Variants in RAB5A observed in about 807,000 individuals in gnomAD.
The protein encoded by RAB5A is RAB5A, member RAS oncogene family.
RAB5A carries 8 observed loss-of-function variants against 25.7 expected under a neutral mutation model. That is an observed-to-expected ratio of 0.31 (90% confidence interval 0.18 to 0.56). The LOEUF is 0.56. Ranked by LOEUF, RAB5A falls within the 20% of genes least tolerant of loss-of-function variation. The pLI, the probability that RAB5A is intolerant of heterozygous loss-of-function variation, is 0.91. For missense variants in RAB5A, 192 were observed against 259.7 expected (o/e 0.74, Z 1.79); for synonymous variants, 98 against 89.8 (o/e 1.09, Z -0.52).
rs1215029740 is a variant in RAB5A at position 19,953,409 on chromosome 3, TC to T, written c.163+2350del. ...GAATTTGCATCCAAATTTCTGTTAA[TC>T]CTTTTTTTTTTTTTTTTTGGAGACA... On this transcript the variant is annotated intron_variant, in intron 2 of 5. Transcript: ENST00000273047. Among the ~76,000 whole-genome samples the T allele has an allele frequency of 2.9e-5, 4 of 137,088 alleles. No individual in the cohort carries two copies. In the Admixed American group the frequency reaches 3.0e-4, roughly 10 times the overall value. The allele number at this position is 137,088 out of a possible 152,430, so 89.9% of individuals were successfully genotyped here.
intron 2 of RAB5A, chr3:19,951,324 T>G: frequency 3.0e-6 from 1 of 331,902 alleles, no homozygotes; most frequent in Non-Finnish European, 5.6e-6. Flanking sequence ...GTGTCTCAAG[T>G]AATAACATTT....
intron 2 of RAB5A, among the ~76,000 whole-genome samples, chr3:19,964,064 T>C (rs1696628021): frequency 6.6e-6 from 1 of 152,208 alleles, no homozygotes; most frequent in African/African-American, 2.4e-5. Context: ...AAGCATTATG[T>C]GCTAGGTTCT....
chr3:19,966,169 AACTCTGC>A (rs1559489280), intron 2 of RAB5A, among the ~76,000 whole-genome samples: 1 of 152,126 alleles, frequency 6.6e-6, no homozygotes, highest in Non-Finnish European at 1.5e-5. Context: ...CCCTAGCTGA[AACTCTGC>A]ACCCACTAAA....
intron 1 of RAB5A, among the ~76,000 whole-genome samples, chr3:19,949,931 A>G (rs1306001240): frequency 6.6e-6 from 1 of 151,900 alleles, no homozygotes; most frequent in African/African-American, 2.4e-5. Context: ...TCAGCTACTC[A>G]GGAGGTTGAG....
At chr3:19,980,927 G>T (rs188406428) in intron 5 of RAB5A, among the ~76,000 whole-genome samples, 1 of 152,286 alleles carries the variant, frequency 6.6e-6, no homozygotes, top group East Asian at 1.9e-4. Context: ...AATGGAATGT[G>T]TAGAACAAAT....
At chr3:19,981,953 G>A (rs73176006) in intron 5 of RAB5A, among the ~76,000 whole-genome samples, 1 of 152,054 alleles carries the variant, frequency 6.6e-6, no homozygotes, top group East Asian at 1.9e-4. Flanking sequence ...CATAAAAGGA[G>A]AAAATGAGGT....
Position 19,969,032 on chromosome 3 carries a change from T to G in RAB5A, c.164-6569T>G, listed in dbSNP as rs960298976. 2.5e-4 allele frequency among the ~76,000 whole-genome samples: 22 copies of G among 89,624 alleles called. 1 individual carries two copies. Among genetic ancestry groups the G allele is most frequent in the African/African-American group, 4.3e-4 (6 of 13,962 alleles). The allele number at this position is 89,624 out of a possible 152,430, so 58.8% of individuals were successfully genotyped here. The stretch of plus-strand genomic sequence containing the variant: ...GCAAATTGGTGTTTTTTGGTTTTGG[T>G]TTTTTTTTTTTGGTTTTTTTTTTTT... On this transcript the variant is annotated intron_variant, in intron 2 of 5. Coordinates refer to ENST00000273047, the MANE Select transcript of RAB5A (RefSeq NM_004162.5).
chr3:19,973,580 G>A (rs572581180), intron 2 of RAB5A, among the ~76,000 whole-genome samples: 1 of 152,070 alleles, frequency 6.6e-6, no homozygotes, highest in Non-Finnish European at 1.5e-5. Flanking sequence ...GTGCTGTCTG[G>A]ATATCCTTTA....
chr3:19,954,766 C>G (rs561804632), intron 2 of RAB5A, among the ~76,000 whole-genome samples: 1 of 152,142 alleles, frequency 6.6e-6, no homozygotes, highest in South Asian at 2.1e-4. Context: ...TACAGTGAGC[C>G]GAGACTGCAC....
chr3:19,977,584 G>A (rs997599627), intron 4 of RAB5A, among the ~76,000 whole-genome samples: 3 of 152,214 alleles, frequency 2.0e-5, no homozygotes, highest in African/African-American at 4.8e-5. Flanking sequence ...GATGTGAGAT[G>A]TAGTATCCAT....
intron 1 of RAB5A, among the ~76,000 whole-genome samples, chr3:19,948,093 G>A (rs911716194): frequency 2.0e-5 from 3 of 152,138 alleles, no homozygotes; most frequent in Non-Finnish European, 4.4e-5. Context: ...TTTCTGTTTG[G>A]AAGGTAGTGA....
chr3:19,958,658 AC>A (rs1435782670), intron 2 of RAB5A, among the ~76,000 whole-genome samples: 1 of 152,248 alleles, frequency 6.6e-6, no homozygotes, highest in Admixed American at 6.5e-5. Flanking sequence ...AGCCTGACCA[AC>A]ATGGCAAAAC....
intron 2 of RAB5A, among the ~76,000 whole-genome samples, chr3:19,972,516 T>G (rs763310065): frequency 1.3e-5 from 2 of 152,194 alleles, no homozygotes; most frequent in Non-Finnish European, 2.9e-5. Flanking sequence ...GATTATCTTC[T>G]TTGTTAATCT....
Position 19,972,653 on chromosome 3 carries a change from C to T in RAB5A, c.164-2948C>T, listed in dbSNP as rs1374860512. 3.3e-5 allele frequency among the ~76,000 whole-genome samples: 5 copies of T among 152,086 alleles called. No individual in the cohort carries two copies. The East Asian group carries it at 9.7e-4, about 29-fold the overall frequency. ...TAGGAATGGATATTGACTCAAATGC[C>T]TTTTTGTAATTTGTTTAAATAAAAT... On this transcript the variant is annotated intron_variant, in intron 2 of 5. Coordinates refer to ENST00000273047, the MANE Select transcript of RAB5A (RefSeq NM_004162.5).
chr3:19,948,393 A>G (rs969750271), intron 1 of RAB5A, among the ~76,000 whole-genome samples: 26 of 152,380 alleles, frequency 1.7e-4, no homozygotes, highest in Middle Eastern at 3.4e-3. Flanking sequence ...AATGGAAGTG[A>G]TAACTCAGCA....
intron 2 of RAB5A, among the ~76,000 whole-genome samples, chr3:19,958,998 A>G (rs1246102239): frequency 6.6e-6 from 1 of 152,222 alleles, no homozygotes; most frequent in African/African-American, 2.4e-5. Flanking sequence ...TACTCTTCTC[A>G]TTAAACAATA....
chr3:19,980,558 G>A (rs11128930), intron 5 of RAB5A, among the ~76,000 whole-genome samples: 21,717 of 151,528 alleles, frequency 0.14, 1,633 homozygotes, highest in South Asian at 0.21. Context: ...AAAGTTACTC[G>A]TTCTAGTTTA....
In RAB5A at chr3:19,974,186, GTC is replaced by G. The variant is rs1327418825; in HGVS notation, c.164-1411_164-1410del. On this transcript the variant is annotated intron_variant, in intron 2 of 5. Transcript: ENST00000273047. Reference sequence around the variant, plus strand: ...ACTTTTTTTTTTTTTTTGAGACAGAGTCTCTGTTGCCAGGATGGAGTGCAGTG... The same window carrying G: ...ACTTTTTTTTTTTTTTTGAGACAGAGTCTGTTGCCAGGATGGAGTGCAGTG... 4.7e-5 allele frequency among the ~76,000 whole-genome samples: 7 copies of G among 149,974 alleles called. No homozygotes were observed. In the East Asian group the frequency reaches 1.4e-3, roughly 29 times the overall value.
chr3:19,981,643 T>TA (rs1696930060), intron 5 of RAB5A, among the ~76,000 whole-genome samples: 1 of 151,500 alleles, frequency 6.6e-6, no homozygotes, highest in African/African-American at 2.4e-5. Context: ...ATCAAAAACA[T>TA]ACAACTTAGG....
Sources: gnomAD v4.1 joint callset for allele counts (sites outside exome capture counted in the v4.1 genomes callset) on GRCh38, gnomAD v4.1.1 for gene constraint, MANE v1.5 for transcripts, NCBI Gene and HGNC (gene_info 2026-07-23, HGNC 2026-07-21) for gene names.